TTC14: variants seen among roughly 807,000 people sequenced by gnomAD.
TTC14 encodes the protein tetratricopeptide repeat protein 14.
In TTC14, 63 loss-of-function variants were observed where a neutral mutation model predicts 79.9. The ratio of observed to expected loss-of-function variants is 0.79; its 90% CI spans 0.64 to 0.97. TTC14 has a LOEUF of 0.97. TTC14 is among the 50% of genes least tolerant of loss of function. The pLI, the probability that TTC14 is intolerant of heterozygous loss-of-function variation, is 0.00. For synonymous variants in TTC14, 335 were observed against 309.6 expected (o/e 1.08, Z -0.86); for missense variants, 895 against 894.0 (o/e 1.00, Z -0.01).
chr3:180,618,070 CT>C (rs1177912344), downstream of TTC14, among the ~76,000 whole-genome samples: 4 of 152,026 alleles, frequency 2.6e-5, no homozygotes, highest in South Asian at 2.1e-4. Context: ...TTACAGTTGC[CT>C]ATAGTACTCA....
At chr3:180,616,808 T>A (rs758021808) in intron 12 of TTC14, 11 of 1,605,688 alleles carry the variant, frequency 6.9e-6, no homozygotes, top group Non-Finnish European at 9.4e-6. Flanking sequence ...AAGGTCAGTT[T>A]TTAAAAGATA....
chr3:180,603,098 T>C (rs1437806866), intron 2 of TTC14, 26 bp from the exon 3 acceptor site: 2 of 1,610,742 alleles, frequency 1.2e-6, no homozygotes, highest in Non-Finnish European at 1.7e-6. Flanking sequence ...CTATCGTTAG[T>C]GATTTTGTTA....
Position 180,610,142 on chromosome 3 carries a change from A to T in TTC14, c.1913A>T (p.Glu638Val). The T allele has an allele frequency of 6.2e-7, 1 of 1,612,736 alleles. No homozygotes were observed. The part of the protein sequence containing the change: ...NSSDSFCRNS[E>V]DKIYGYRRFE... ...TCAGATTCCTTCTGTAGGAATTCAG[A>T]GGACAAGATTTATGGTTATAGGAGA... The change falls in exon 12 of 12, where the codon GAG becomes GTG. Residue 638 changes from glutamate to valine, a missense_variant. Physicochemically the swap from Glu to Val is moderately radical, Grantham distance 121 (BLOSUM62 -2). Transcript: ENST00000296015.
Position 180,602,394 on chromosome 3 carries a change from C to T in TTC14, c.133C>T (p.Pro45Ser), listed in dbSNP as rs369731355. The T allele has an allele frequency of 2.8e-5, 45 of 1,608,884 alleles. No individual in the cohort carries two copies. Among genetic ancestry groups the T allele is most frequent in the Non-Finnish European group, 5.9e-6 (7 of 1,179,392 alleles). The change falls in exon 1 of 12, where the codon CCG (proline) becomes TCG (serine). Residue 45 changes from proline (P) to serine (S), a missense_variant. Coordinates refer to ENST00000296015, the MANE Select transcript of TTC14 (RefSeq NM_133462.4). ...GTCGGCCGCCGAGCCAGCCCGGGGCCCGCCGCCCCAGCACCCGTTGCAGGG... is the reference window on the plus strand; with the variant it reads ...GTCGGCCGCCGAGCCAGCCCGGGGCTCGCCGCCCCAGCACCCGTTGCAGGG... ...LGSAAEPARG[P>S]PPQHPLQGRK...
intron 12 of TTC14, chr3:180,616,788 G>T: frequency 6.3e-7 from 1 of 1,595,184 alleles, no homozygotes; most frequent in South Asian, 1.1e-5. Flanking sequence ...CTTCAAAAAT[G>T]TAAATATGAA....
chr3:180,614,663 C>A, downstream of TTC14: 1 of 353,236 alleles, frequency 2.8e-6, no homozygotes, highest in Non-Finnish European at 5.1e-6. Flanking sequence ...CTACGAACAT[C>A]AGAATTACAG....
rs762122057 is a variant in TTC14 at position 180,610,944 on chromosome 3, C to A, written c.*402C>A. 31 of 971,932 alleles carry A rather than the reference C, an allele frequency of 3.2e-5. No individual in the cohort carries two copies. Among genetic ancestry groups the A allele is most frequent in the Non-Finnish European group, 3.8e-5 (31 of 817,818 alleles). 60.2% of individuals were successfully genotyped at this position (971,932 alleles called of 1,614,324 possible). A position where few individuals can be genotyped will look rare whatever the true frequency, so the allele number is the denominator to read the frequency against. Reference sequence around the variant, plus strand: ...ATAAAAATTAATTTCATTTTCTTTTCTGTTAAATTAAAAATCGTCAGCTTT... The same window carrying A: ...ATAAAAATTAATTTCATTTTCTTTTATGTTAAATTAAAAATCGTCAGCTTT... On this transcript the variant is annotated 3_prime_UTR_variant, in exon 12 of 12. Coordinates refer to ENST00000296015, the MANE Select transcript of TTC14 (RefSeq NM_133462.4).
At chr3:180,616,860 T>G (rs1717264912) in intron 12 of TTC14, 4 of 1,608,162 alleles carry the variant, frequency 2.5e-6, no homozygotes, top group Non-Finnish European at 3.4e-6. Context: ...TGGCTTCTGC[T>G]CCTCCGTTTC....
intron 7 of TTC14, 167 bp downstream of exon 7, chr3:180,606,004 A>T: frequency 1.2e-6 from 1 of 835,974 alleles, no homozygotes; most frequent in Admixed American, 3.1e-5. Context: ...TTTTACACTT[A>T]ACAGATAAGT....
Position 180,610,260 on chromosome 3 carries a change from C to G in TTC14, c.2031C>G (p.Tyr677Ter). The part of the protein sequence containing the change: ...RHSTSPASSE[Y>*]SWKSVEKYKK... ...CTACCTCACCAGCAAGCTCAGAATA[C>G]TCTTGGAAGTCAGTTGAGAAATACA... The change falls in exon 12 of 12, where the codon TAC becomes TAG. Residue 677 changes from tyrosine to a stop codon, truncating the protein, a stop_gained. Coordinates refer to ENST00000296015, the MANE Select transcript of TTC14 (RefSeq NM_133462.4). LOFTEE classifies it high-confidence loss of function. 1 of 1,613,976 alleles carries G rather than the reference C, an allele frequency of 6.2e-7. No homozygotes were observed. The highest frequency in any genetic ancestry group is 1.1e-5 in the South Asian group (1 of 91,066).
intron 6 of TTC14, chr3:180,605,215 A>T (rs1445572529): frequency 2.5e-6 from 1 of 404,258 alleles, no homozygotes; most frequent in Non-Finnish European, 4.3e-6. Context: ...GTAGAGAAGG[A>T]TGCAGAAACT....
rs1177405347 is a variant in TTC14 at position 180,610,699 on chromosome 3, G to C, written c.*157G>C. On this transcript the variant is annotated 3_prime_UTR_variant, in exon 12 of 12. Coordinates refer to ENST00000296015, the MANE Select transcript of TTC14 (RefSeq NM_133462.4). ...TTTAAGTAAGTTTTTCTCAAATTTT[G>C]TTTCAGTTCTAGGTCCCTTGTCACA... The C allele has an allele frequency of 2.9e-5, 40 of 1,372,020 alleles. No homozygotes were observed. Among genetic ancestry groups the C allele is most frequent in the Non-Finnish European group, 3.7e-5 (39 of 1,066,422 alleles). 85.0% of individuals were successfully genotyped at this position (1,372,020 alleles called of 1,614,324 possible). A position where few individuals can be genotyped will look rare whatever the true frequency, so the allele number is the denominator to read the frequency against.
intron 2 of TTC14, 44 bp downstream of exon 2, chr3:180,603,059 CAG>C (rs1560070187): frequency 6.2e-7 from 1 of 1,610,722 alleles, no homozygotes; most frequent in African/African-American, 1.3e-5. Context: ...TTCGGTTTAA[CAG>C]TACTTCAGGT....
intron 10 of TTC14, chr3:180,608,139 A>C (rs1004681052): frequency 9.9e-7 from 1 of 1,010,160 alleles, no homozygotes; most frequent in African/African-American, 1.7e-5. Flanking sequence ...ATGTTTTCTC[A>C]TGCATTTTCT....
rs1339361329 is a variant in TTC14 at position 180,609,910 on chromosome 3, C to G, written c.1681C>G (p.Gln561Glu). ...AGAAGTGGAGAAACTACTGGGGAAG[C>G]AGGATAGGTTACAGTATGAAAAGAC... ...KQEVEKLLGKQDRLQYEKTQI... is the reference protein window; with the variant it reads ...KQEVEKLLGKEDRLQYEKTQI... The change falls in exon 12 of 12, where the codon CAG (glutamine) becomes GAG (glutamate). Residue 561 changes from glutamine to glutamate, a missense_variant. Transcript: ENST00000296015. 6.2e-7 allele frequency: 1 copy of G among 1,613,910 alleles called. No homozygotes were observed. The highest frequency in any genetic ancestry group is 1.7e-5 in the Admixed American group (1 of 59,990).
chr3:180,613,222 A>G (rs911622990), downstream of TTC14, among the ~76,000 whole-genome samples: 1 of 152,234 alleles, frequency 6.6e-6, no homozygotes, highest in East Asian at 1.9e-4. Flanking sequence ...TACATTGTCA[A>G]GAATAGCGAC....
In TTC14 at chr3:180,608,117, A is replaced by T. The variant is rs138988253; in HGVS notation, c.1290+352A>T. 12 of 1,021,032 alleles carry T rather than the reference A, an allele frequency of 1.2e-5. No homozygotes were observed. The East Asian group carries it at 1.2e-3, about 102-fold the overall frequency. 63.2% of individuals were successfully genotyped at this position (1,021,032 alleles called of 1,614,324 possible). A position where few individuals can be genotyped will look rare whatever the true frequency, so the allele number is the denominator to read the frequency against. On this transcript the variant is annotated intron_variant, in intron 10 of 11. Coordinates refer to ENST00000296015, the MANE Select transcript of TTC14 (RefSeq NM_133462.4). ...ATATTTTAAATTGTCTTTTCCTGTA[A>T]TACTGATGATGATGTTTTCTCATGC...
intron 7 of TTC14, 97 bp from the exon 8 acceptor site, chr3:180,606,156 A>G: frequency 6.5e-7 from 1 of 1,531,626 alleles, no homozygotes; most frequent in Middle Eastern, 1.8e-4. Context: ...ATATTTTGCC[A>G]AGTTTGATGA....
chr3:180,616,878 A>T (rs764888716), intron 12 of TTC14: 1 of 1,598,794 alleles, frequency 6.3e-7, no homozygotes, highest in Non-Finnish European at 8.6e-7. Context: ...TTCTTTACTT[A>T]GTTGAAATGA....
Sources: allele counts gnomAD v4.1 joint callset (sites outside exome capture counted in the v4.1 genomes callset), GRCh38; gene constraint gnomAD v4.1.1; transcripts MANE v1.5; gene names NCBI Gene and HGNC (gene_info 2026-07-23, HGNC 2026-07-21).